The following PAK1 variants were observed in gnomAD, a reference collection of about 807,000 sequenced individuals.
The protein encoded by PAK1 is serine/threonine-protein kinase PAK 1.
A neutral mutation model predicts 67.4 loss-of-function variants in PAK1; 29 were observed. The observed-to-expected ratio is 0.43, with a 90% CI of 0.32 to 0.59. The LOEUF (loss-of-function observed/expected upper bound fraction) is 0.59. PAK1 is among the 20% of genes least tolerant of loss of function. PAK1 has a pLI of 0.07. For missense variants in PAK1, 337 were observed against 670.7 expected, an observed-to-expected ratio of 0.50 and a Z score of 5.50; for synonymous variants, 223 against 237.4, an observed-to-expected ratio of 0.94 and a Z score of 0.56.
chr11:77,376,835 T>A (rs1949157205), intron 4 of PAK1, among the ~76,000 whole-genome samples: 1 of 151,898 alleles, frequency 6.6e-6, no homozygotes, highest in Non-Finnish European at 1.5e-5. Flanking sequence ...AGCAAAGGAG[T>A]TAAAGGCCCA....
In PAK1 at chr11:77,363,059, C is replaced by T. The variant is rs141302406; in HGVS notation, c.478-4042G>A. Among the ~76,000 whole-genome samples, 1,207 of 152,142 alleles carry T rather than the reference C, an allele frequency of 7.9e-3. 21 individuals are homozygous for T. Among genetic ancestry groups the T allele is most frequent in the African/African-American group, 0.028 (1,160 of 41,500 alleles). On this transcript the variant is annotated intron_variant, in intron 5 of 14. Transcript: ENST00000356341. ...AGGTTTTTAACAGGCCAGTTAAAAA[C>T]CACCTTGGGAAGGCTCCAAGGTTCA...
chr11:77,406,953 T>C (rs1953670408), intron 1 of PAK1, among the ~76,000 whole-genome samples: 1 of 152,176 alleles, frequency 6.6e-6, no homozygotes, highest in African/African-American at 2.4e-5. Context: ...AGGTGCTGCA[T>C]GAATCCAGAA....
chr11:77,413,333 T>C (rs1373306406), intron 1 of PAK1, among the ~76,000 whole-genome samples: 1 of 152,146 alleles, frequency 6.6e-6, no homozygotes, highest in Non-Finnish European at 1.5e-5. Context: ...ACTAACATAT[T>C]GTAAGATAAT....
intron 1 of PAK1, among the ~76,000 whole-genome samples, chr11:77,399,010 C>T (rs1028986564): frequency 6.6e-6 from 1 of 152,198 alleles, no homozygotes; most frequent in Non-Finnish European, 1.5e-5. Flanking sequence ...AATATAAACA[C>T]AGAATATGTA....
At chr11:77,437,758 A>T (rs116010681) in intron 1 of PAK1, among the ~76,000 whole-genome samples, 2,343 of 152,302 alleles carry the variant, frequency 0.015, 51 homozygotes, top group African/African-American at 0.054. Context: ...CAAATCAAAC[A>T]AAAGTTCTCT....
chr11:77,496,738 G>A, the PAK1 span, among the ~76,000 whole-genome samples: 1 of 152,192 alleles, frequency 6.6e-6, no homozygotes, highest in Non-Finnish European at 1.5e-5. Context: ...TTTGAGACCA[G>A]CCTGGCCAAT....
intron 1 of PAK1, among the ~76,000 whole-genome samples, chr11:77,407,481 C>G (rs183682618): frequency 2.0e-5 from 3 of 152,332 alleles, no homozygotes; most frequent in Admixed American, 1.3e-4. Context: ...TCTTGCCTGT[C>G]AGTGGCAACC....
rs542352559 is a variant in PAK1 at position 77,379,495 on chromosome 11, T to G, written c.292-107A>C. The stretch of plus-strand genomic sequence containing the variant: ...TGCTAGCAGCAAAAGATGCATTTAT[T>G]AGTCATTCCTTTCTCTCTATACTCT... On this transcript the variant is annotated intron_variant, in intron 3 of 14. Coordinates refer to ENST00000356341, the MANE Select transcript of PAK1 (RefSeq NM_002576.5). 2.1e-5 allele frequency: 20 copies of G among 970,586 alleles called. 1 individual carries two copies. In the South Asian group the frequency reaches 3.2e-4, roughly 15 times the overall value. The allele number at this position is 970,586 out of a possible 1,614,324, so 60.1% of individuals were successfully genotyped here.
At chr11:77,430,600 A>G (rs1955814440) in intron 1 of PAK1, among the ~76,000 whole-genome samples, 1 of 152,254 alleles carries the variant, frequency 6.6e-6, no homozygotes, top group Admixed American at 6.5e-5. Flanking sequence ...AGAGGAAAAC[A>G]TCTCTTTACC....
chr11:77,421,726 A>C (rs996026002), intron 1 of PAK1, among the ~76,000 whole-genome samples: 4 of 152,254 alleles, frequency 2.6e-5, no homozygotes, highest in African/African-American at 9.6e-5. Context: ...AGAGTGGCCT[A>C]AAGTAATTGT....
At chr11:77,439,014 G>A (rs1465791954) in intron 1 of PAK1, among the ~76,000 whole-genome samples, 1 of 152,152 alleles carries the variant, frequency 6.6e-6, no homozygotes, top group Admixed American at 6.5e-5. Flanking sequence ...ACACCCAATG[G>A]TCCGATATAC....
chr11:77,352,764 C>T (rs1484160207), intron 8 of PAK1, among the ~76,000 whole-genome samples: 5 of 152,060 alleles, frequency 3.3e-5, no homozygotes, highest in Admixed American at 6.6e-5. Flanking sequence ...TAATTGCCTA[C>T]AGTATTCAGT....
chr11:77,405,795 CTACT>C (rs889356702), intron 1 of PAK1, among the ~76,000 whole-genome samples: 5 of 152,048 alleles, frequency 3.3e-5, no homozygotes, highest in Admixed American at 2.6e-4. Context: ...TCAGAACTGT[CTACT>C]TAAACTATCT....
chr11:77,326,903 G>T (rs911899335), intron 14 of PAK1, among the ~76,000 whole-genome samples: 1 of 152,000 alleles, frequency 6.6e-6, no homozygotes, highest in Non-Finnish European at 1.5e-5. Context: ...TAAGATGAAT[G>T]GATAACAAGA....
At chr11:77,502,171 G>C in the PAK1 span, among the ~76,000 whole-genome samples, 2 of 152,110 alleles carry the variant, frequency 1.3e-5, no homozygotes, top group Non-Finnish European at 2.9e-5. Flanking sequence ...TTGTGTGCGT[G>C]TATGTGCATG....
At chr11:77,379,460 C>T in intron 3 of PAK1, 72 bp from the exon 4 acceptor site, 2 of 1,439,936 alleles carry the variant, frequency 1.4e-6, no homozygotes, top group East Asian at 2.3e-5. Flanking sequence ...TCAGAGCTAA[C>T]TTTGACACTT....
At chr11:77,399,645 G>A (rs895957865) in intron 1 of PAK1, among the ~76,000 whole-genome samples, 4 of 151,860 alleles carry the variant, frequency 2.6e-5, no homozygotes, top group Middle Eastern at 3.4e-3. Flanking sequence ...GGATCACGAG[G>A]TCAGGAGATC....
chr11:77,496,924 C>T, the PAK1 span, among the ~76,000 whole-genome samples: 1 of 151,910 alleles, frequency 6.6e-6, no homozygotes, highest in Non-Finnish European at 1.5e-5. Flanking sequence ...CAGACTATGT[C>T]TCCAAAAAAA....
At chr11:77,419,872 T>C (rs1955165535) in intron 1 of PAK1, among the ~76,000 whole-genome samples, 1 of 152,178 alleles carries the variant, frequency 6.6e-6, no homozygotes, top group South Asian at 2.1e-4. Context: ...AATGATGATC[T>C]AGAGCATCTT....
Sources: gnomAD v4.1 joint callset for allele counts (sites outside exome capture counted in the v4.1 genomes callset) on GRCh38, gnomAD v4.1.1 for gene constraint, MANE v1.5 for transcripts, NCBI Gene and HGNC (gene_info 2026-07-23, HGNC 2026-07-21) for gene names.